Variants in POLDIP3 observed in about 807,000 individuals in gnomAD.
POLDIP3 encodes polymerase delta-interacting protein 3.
A neutral mutation model predicts 45.1 loss-of-function variants in POLDIP3; 14 were observed. The ratio of observed to expected loss-of-function variants is 0.31; its 90% CI spans 0.20 to 0.49. The LOEUF (loss-of-function observed/expected upper bound fraction) is 0.49. Among genes scored for constraint, POLDIP3 ranks in the 20% least tolerant of loss-of-function variants. The probability of loss-of-function intolerance (pLI) is 0.99; values close to 1 mark genes in which losing one functional copy is unlikely to be tolerated. For missense variants in POLDIP3, 511 were observed against 538.8 expected (o/e 0.95, Z 0.51); for synonymous variants, 223 against 205.2 (o/e 1.09, Z -0.74).
In POLDIP3 at chr22:42,592,095, C is replaced by T. The variant is rs201594377; in HGVS notation, c.892-11G>A. 4.2e-5 allele frequency: 68 copies of T among 1,613,966 alleles called. No homozygotes were observed. Among genetic ancestry groups the T allele is most frequent in the Non-Finnish European group, 5.3e-5 (63 of 1,179,938 alleles). On this transcript the variant is annotated splice_polypyrimidine_tract_variant and intron_variant, in intron 6 of 8. Transcript: ENST00000252115. ...CACACAGAAAAGCTCCTGCACACAA[C>T]AAGAGGGGTTGGGATTGGGGAAGGA...
At position 42,585,168 on chromosome 22, in the gene POLDIP3, T is replaced by G. The variant is rs541801204; in HGVS notation, c.*623A>C. 3 of 469,364 alleles carry G rather than the reference T, an allele frequency of 6.4e-6. No individual in the cohort carries two copies. In the Admixed American group the frequency reaches 6.9e-5, roughly 11 times the overall value. 29.1% of individuals were successfully genotyped at this position (469,364 alleles called of 1,614,324 possible). A position where few individuals can be genotyped will look rare whatever the true frequency, so the allele number is the denominator to read the frequency against. ...CGGGACTCCAAGCCAAGAGCTTAGATAGACTCTTCCCAGCGGTGCAGCCTC... is the reference window on the plus strand; with the variant it reads ...CGGGACTCCAAGCCAAGAGCTTAGAGAGACTCTTCCCAGCGGTGCAGCCTC... On this transcript the variant is annotated 3_prime_UTR_variant, in exon 9 of 9. Transcript: ENST00000252115.
At chr22:42,596,067 T>C (rs1251510475) in intron 5 of POLDIP3, 119 bp downstream of exon 5, 10 of 1,152,758 alleles carry the variant, frequency 8.7e-6, no homozygotes, top group South Asian at 7.3e-5. Context: ...GGTTTGCTCA[T>C]CTGTAGAATG....
Position 42,596,353 on chromosome 22 carries a change from T to C in POLDIP3, c.646A>G (p.Ser216Gly), listed in dbSNP as rs372428867. The change falls in exon 5 of 9, where the codon AGT (serine) becomes GGT (glycine). Residue 216 changes from serine to glycine, a missense_variant. Ser to Gly is a moderately conservative substitution (Grantham distance 56, BLOSUM62 0). Around this residue, in one of 4 missense-constraint regions of POLDIP3, gnomAD observed 378 missense variants for 352.3 expected, o/e 1.07. Coordinates refer to ENST00000252115, the MANE Select transcript of POLDIP3 (RefSeq NM_032311.5). Reference sequence around the variant, plus strand: ...GCCTTGGACATGGAAAGCTTGGAACTGCTTAGCCCAGCCTAAACGAAGAGA... The same window carrying C: ...GCCTTGGACATGGAAAGCTTGGAACCGCTTAGCCCAGCCTAAACGAAGAGA... The part of the protein sequence containing the change: ...GFLHHMAGLS[S>G]SKLSMSKALP... 6 of 1,613,866 alleles carry C rather than the reference T, an allele frequency of 3.7e-6. No homozygotes were observed. The highest frequency in any genetic ancestry group is 4.2e-6 in the Non-Finnish European group (5 of 1,179,938).
chr22:42,585,060 G>C lies in POLDIP3; in HGVS notation c.*731C>G, dbSNP rs1000427289. 2 of 452,816 alleles carry C rather than the reference G, an allele frequency of 4.4e-6. No individual in the cohort carries two copies. The highest frequency in any genetic ancestry group is 8.9e-6 in the Non-Finnish European group (2 of 225,642). The allele number at this position is 452,816 out of a possible 1,614,324, so 28.0% of individuals were successfully genotyped here. ...CCAGCAAAGACACCCAGAAGGGAAA[G>C]AGAGCTGGGGTGGGGCATTCAGCAC... On this transcript the variant is annotated 3_prime_UTR_variant, in exon 9 of 9. Transcript: ENST00000252115.
chr22:42,612,948 G>C (rs1355779607), intron 1 of POLDIP3, among the ~76,000 whole-genome samples: 2 of 152,214 alleles, frequency 1.3e-5, no homozygotes, highest in African/African-American at 4.8e-5. Context: ...CCCAACAGTG[G>C]CAAGTGCCAG....
chr22:42,601,334 G>A lies in POLDIP3; in HGVS notation c.537+636C>T, dbSNP rs551967590. ...TCGAGACCTGCCTGGGCAATATAGCGAGACCCCGTTCTCCAGAAAAAGGAA... is the reference window on the plus strand; with the variant it reads ...TCGAGACCTGCCTGGGCAATATAGCAAGACCCCGTTCTCCAGAAAAAGGAA... On this transcript the variant is annotated intron_variant, in intron 3 of 8. Transcript: ENST00000252115. Among the ~76,000 whole-genome samples the A allele has an allele frequency of 1.5e-4, 21 of 143,824 alleles. No homozygotes were observed. In the East Asian group the frequency reaches 2.0e-3, roughly 14 times the overall value. 94.4% of individuals were successfully genotyped at this position (143,824 alleles called of 152,430 possible). A position where few individuals can be genotyped will look rare whatever the true frequency, so the allele number is the denominator to read the frequency against.
chr22:42,601,321 TG>T (rs1926354269), intron 3 of POLDIP3, among the ~76,000 whole-genome samples: 1 of 142,418 alleles, frequency 7.0e-6, no homozygotes, highest in African/African-American at 2.7e-5. Context: ...GAGACCTGCC[TG>T]GGCAATATAG....
intron 8 of POLDIP3, among the ~76,000 whole-genome samples, chr22:42,586,908 T>C (rs976965750): frequency 6.6e-6 from 1 of 152,120 alleles, no homozygotes; most frequent in African/African-American, 2.4e-5. Flanking sequence ...TATACTCAGC[T>C]GTGTGCAACA....
chr22:42,607,946 C>T (rs974535565), intron 1 of POLDIP3, among the ~76,000 whole-genome samples: 1 of 150,926 alleles, frequency 6.6e-6, no homozygotes, highest in Non-Finnish European at 1.5e-5. Flanking sequence ...TGGGGGGCAG[C>T]CCCCGCACAG....
chr22:42,613,373 G>A (rs1010341126), intron 1 of POLDIP3, among the ~76,000 whole-genome samples: 2 of 152,214 alleles, frequency 1.3e-5, no homozygotes, highest in Non-Finnish European at 2.9e-5. Flanking sequence ...AGTTGTAGTT[G>A]ATACAAGTGT....
At chr22:42,601,832 A>G (rs1420061727) in intron 3 of POLDIP3, 138 bp downstream of exon 3, 2 of 1,059,282 alleles carry the variant, frequency 1.9e-6, no homozygotes, top group African/African-American at 1.6e-5. Context: ...CCCTGCCTCC[A>G]ATACTACCAA....
At chr22:42,593,277 A>C (rs977783722) in intron 6 of POLDIP3, among the ~76,000 whole-genome samples, 1 of 152,228 alleles carries the variant, frequency 6.6e-6, no homozygotes, top group Admixed American at 6.5e-5. Context: ...GAACCGACAG[A>C]TATGGAGGGC....
rs1926436998 is a variant in POLDIP3 at position 42,602,238 on chromosome 22, C to T, written c.451-182G>A. On this transcript the variant is annotated intron_variant, in intron 2 of 8. Coordinates refer to ENST00000252115, the MANE Select transcript of POLDIP3 (RefSeq NM_032311.5). Reference sequence around the variant, plus strand: ...AAGAATCATCAATCCAGAGACCATGCCGGTAACGCACATGTAGGGCTTAAT... The same window carrying T: ...AAGAATCATCAATCCAGAGACCATGTCGGTAACGCACATGTAGGGCTTAAT... 9.2e-6 allele frequency: 9 copies of T among 974,794 alleles called. No individual in the cohort carries two copies. In the South Asian group the frequency reaches 1.4e-4, roughly 15 times the overall value. 60.4% of individuals were successfully genotyped at this position (974,794 alleles called of 1,614,324 possible).
intron 1 of POLDIP3, among the ~76,000 whole-genome samples, chr22:42,613,937 T>C (rs1039775670): frequency 1.3e-5 from 2 of 152,178 alleles, no homozygotes; most frequent in Non-Finnish European, 2.9e-5. Flanking sequence ...TCACGAAGGC[T>C]TGAAATGACT....
intron 6 of POLDIP3, 120 bp downstream of exon 6, chr22:42,595,417 C>T (rs1178696013): frequency 5.8e-6 from 5 of 859,988 alleles, no homozygotes; most frequent in East Asian, 2.4e-5. Flanking sequence ...CAGCCCTGAG[C>T]GTGACTATAT....
intron 1 of POLDIP3, among the ~76,000 whole-genome samples, chr22:42,604,124 A>T (rs1926574056): frequency 1.3e-5 from 2 of 152,032 alleles, no homozygotes; most frequent in African/African-American, 4.8e-5. Flanking sequence ...TCTCTACAAT[A>T]GCTACCCTCA....
At chr22:42,598,583 A>C (rs989008892) in intron 4 of POLDIP3, among the ~76,000 whole-genome samples, 1 of 151,976 alleles carries the variant, frequency 6.6e-6, no homozygotes, top group Non-Finnish European at 1.5e-5. Context: ...ACGTGGTTTC[A>C]CCGTGCTAGC....
At chr22:42,598,361 C>T (rs1210443876) in intron 4 of POLDIP3, among the ~76,000 whole-genome samples, 2 of 151,940 alleles carry the variant, frequency 1.3e-5, no homozygotes, top group African/African-American at 4.8e-5. Flanking sequence ...TGCCATTCTC[C>T]TGCCTCAGCC....
intron 4 of POLDIP3, among the ~76,000 whole-genome samples, chr22:42,599,374 C>T (rs889583413): frequency 2.6e-5 from 4 of 152,368 alleles, no homozygotes; most frequent in Non-Finnish European, 5.9e-5. Context: ...GAGGCCGAGG[C>T]GTGCGGATCA....
Sources: allele counts gnomAD v4.1 joint callset (sites outside exome capture counted in the v4.1 genomes callset), GRCh38; gene constraint gnomAD v4.1.1; regional missense constraint gnomAD v4.1.1; transcripts MANE v1.5; gene names NCBI Gene and HGNC (gene_info 2026-07-23, HGNC 2026-07-21).